Variants in UXS1 observed in about 807,000 individuals in gnomAD.
The protein encoded by UXS1 is UDP-glucuronic acid decarboxylase 1.
In UXS1, 33 loss-of-function variants were observed where a neutral mutation model predicts 62.6. The ratio of observed to expected loss-of-function variants is 0.53; its 90% CI spans 0.40 to 0.70. UXS1 has a LOEUF of 0.70. UXS1 is among the 30% of genes least tolerant of loss of function. UXS1 has a pLI of 0.00. For synonymous variants in UXS1, 213 were observed against 206.8 expected (o/e 1.03, Z -0.26); for missense variants, 434 against 556.3 (o/e 0.78, Z 2.21).
chr2:106,122,972 G>C lies in UXS1; in HGVS notation c.757C>G (p.Gln253Glu). 6.2e-7 allele frequency: 1 copy of C among 1,613,716 alleles called. No homozygotes were observed. Among genetic ancestry groups the C allele is most frequent in the Non-Finnish European group, 8.5e-7 (1 of 1,179,750 alleles). The change falls in exon 9 of 15, where the codon CAG (glutamine) becomes GAG (glutamate). Residue 253 changes from glutamine (Q) to glutamate (E), a missense_variant and splice_region_variant. Physicochemically the swap from Gln to Glu is conservative, Grantham distance 29 (BLOSUM62 2). Transcript: ENST00000283148. ...AETMCYAYMK[Q>E]EGVEVRVARI... ...AAGCCTAGACCCTGGTGAAATACCT[G>C]CTTCATGTAGGCATAGCACATGGTC... is the stretch of plus-strand genomic sequence containing the variant.
At chr2:106,168,841 G>T (rs534313325) in intron 1 of UXS1, among the ~76,000 whole-genome samples, 4 of 152,096 alleles carry the variant, frequency 2.6e-5, no homozygotes, top group Admixed American at 1.3e-4. Context: ...AGTACCAGAC[G>T]AAAAAGTATA....
chr2:106,175,178 C>T (rs913784432), intron 1 of UXS1, among the ~76,000 whole-genome samples: 2 of 152,200 alleles, frequency 1.3e-5, no homozygotes, highest in Non-Finnish European at 2.9e-5. Flanking sequence ...TTTAGAGAGA[C>T]ATTCAAAATG....
chr2:106,160,987 A>T (rs931986507), intron 4 of UXS1, among the ~76,000 whole-genome samples: 3 of 152,194 alleles, frequency 2.0e-5, no homozygotes, highest in Non-Finnish European at 4.4e-5. Flanking sequence ...GAAAAACAGG[A>T]AGGGGAGAGT....
chr2:106,178,604 G>GTA (rs1245455608), intron 1 of UXS1, among the ~76,000 whole-genome samples: 1 of 152,032 alleles, frequency 6.6e-6, no homozygotes, highest in Non-Finnish European at 1.5e-5. Flanking sequence ...GTATGTGTGT[G>GTA]TATATATGTG....
At chr2:106,111,074 C>T (rs552915867) in intron 10 of UXS1, among the ~76,000 whole-genome samples, 29 of 152,250 alleles carry the variant, frequency 1.9e-4, no homozygotes, top group South Asian at 1.9e-3. Context: ...CTTGAGCTTC[C>T]GACCCCTCTT....
chr2:106,180,096 G>A (rs905413507), intron 1 of UXS1, among the ~76,000 whole-genome samples: 6 of 152,204 alleles, frequency 3.9e-5, no homozygotes, highest in Admixed American at 1.3e-4. Context: ...GCGACAGAGC[G>A]AGACTCCGTC....
chr2:106,108,369 T>A (rs1237312632), intron 10 of UXS1, among the ~76,000 whole-genome samples: 1 of 152,226 alleles, frequency 6.6e-6, no homozygotes. Context: ...GGCTCTAGAA[T>A]GCAACTGCAG....
intron 10 of UXS1, among the ~76,000 whole-genome samples, chr2:106,107,049 G>A (rs1678137380): frequency 6.6e-6 from 1 of 152,054 alleles, no homozygotes; most frequent in Admixed American, 6.5e-5. Flanking sequence ...CAACCTCACT[G>A]TAGTGAGTAT....
intron 1 of UXS1, among the ~76,000 whole-genome samples, chr2:106,180,769 A>G (rs1254439809): frequency 1.3e-5 from 2 of 152,224 alleles, no homozygotes; most frequent in Non-Finnish European, 2.9e-5. Context: ...TCTGAACTCC[A>G]GAAAGCAAAA....
intron 7 of UXS1, among the ~76,000 whole-genome samples, chr2:106,128,473 T>C (rs1370417552): frequency 1.3e-5 from 2 of 152,078 alleles, no homozygotes; most frequent in Admixed American, 6.5e-5. Context: ...GTAGACTGCG[T>C]AGAACACATG....
intron 14 of UXS1, 53 bp from the exon 15 acceptor site, chr2:106,094,210 A>G: frequency 7.6e-6 from 5 of 662,208 alleles, no homozygotes; most frequent in South Asian, 2.5e-5. Flanking sequence ...ACAGAAGGGC[A>G]TCGCAGGAAG....
chr2:106,106,944 T>C (rs1242389107), intron 10 of UXS1, among the ~76,000 whole-genome samples: 1 of 152,254 alleles, frequency 6.6e-6, no homozygotes, highest in East Asian at 1.9e-4. Context: ...AGAATTCTTT[T>C]TCCTGCCCTA....
intron 10 of UXS1, 126 bp from the exon 11 acceptor site, chr2:106,104,963 A>G (rs2104854404): frequency 9.0e-7 from 1 of 1,105,698 alleles, no homozygotes; most frequent in Non-Finnish European, 1.4e-6. Flanking sequence ...TGCTGACTCA[A>G]AGCATCTAGC....
chr2:106,093,933 G>A lies in UXS1; in HGVS notation c.*93C>T. The A allele has an allele frequency of 6.9e-7, 1 of 1,445,420 alleles. No individual in the cohort carries two copies. The highest frequency in any genetic ancestry group is 9.1e-7 in the Non-Finnish European group (1 of 1,095,010). 89.5% of individuals were successfully genotyped at this position (1,445,420 alleles called of 1,614,324 possible). On this transcript the variant is annotated 3_prime_UTR_variant, in exon 15 of 15. Coordinates refer to ENST00000283148, the MANE Select transcript of UXS1 (RefSeq NM_001253875.2). ...TTCCAGTTTGTTCTTCATGACACCT[G>A]TTAAAGTCTTTCTTTAAACGACAAC...
intron 1 of UXS1, among the ~76,000 whole-genome samples, chr2:106,184,673 AG>A (rs1684452496): frequency 6.6e-6 from 1 of 152,158 alleles, no homozygotes; most frequent in Non-Finnish European, 1.5e-5. Flanking sequence ...CCCATGCATG[AG>A]GGCTCTGCCT....
chr2:106,151,396 C>T (rs1187631035), intron 5 of UXS1, among the ~76,000 whole-genome samples: 1 of 152,120 alleles, frequency 6.6e-6, no homozygotes, highest in Admixed American at 6.5e-5. Flanking sequence ...AGTTATTGGG[C>T]TATGAGGGCC....
intron 5 of UXS1, among the ~76,000 whole-genome samples, chr2:106,152,040 T>C (rs1039883393): frequency 1.3e-5 from 2 of 152,234 alleles, no homozygotes; most frequent in Non-Finnish European, 2.9e-5. Flanking sequence ...ATATAAATCA[T>C]TTCTTGTAGA....
chr2:106,185,713 G>A (rs1381168438), intron 1 of UXS1, among the ~76,000 whole-genome samples: 1 of 152,180 alleles, frequency 6.6e-6, no homozygotes, highest in Admixed American at 6.5e-5. Context: ...AAGATCTCAA[G>A]ACAAAAAGAT....
At chr2:106,112,576 T>A in intron 10 of UXS1, 70 bp downstream of exon 10, 4 of 1,579,508 alleles carry the variant, frequency 2.5e-6, no homozygotes, top group Non-Finnish European at 3.4e-6. Context: ...GATGCACTTA[T>A]CCCTCATCCT....
Sources: gnomAD v4.1 joint callset for allele counts (sites outside exome capture counted in the v4.1 genomes callset) on GRCh38, gnomAD v4.1.1 for gene constraint, MANE v1.5 for transcripts, NCBI Gene and HGNC (gene_info 2026-07-23, HGNC 2026-07-21) for gene names.